TJAP1: variants seen among roughly 807,000 people sequenced by gnomAD.
TJAP1 encodes the protein tight junction associated protein 1.
Under a neutral mutation model 42.0 loss-of-function variants are expected in TJAP1, and 27 were observed. That is an observed-to-expected ratio of 0.64 (90% CI 0.47 to 0.89). TJAP1 has a LOEUF of 0.89. Among genes scored for constraint, TJAP1 ranks in the 40% least tolerant of loss-of-function variants. TJAP1 has a pLI of 0.00. For synonymous variants in TJAP1, 257 were observed against 288.4 expected, an observed-to-expected ratio of 0.89 and a Z score of 1.10; for missense variants, 712 against 726.9, an observed-to-expected ratio of 0.98 and a Z score of 0.24.
At chr6:43,480,803 A>G (rs980119303) in intron 2 of TJAP1, among the ~76,000 whole-genome samples, 1 of 152,228 alleles carries the variant, frequency 6.6e-6, no homozygotes, top group African/African-American at 2.4e-5. Flanking sequence ...GGTGTGAGCC[A>G]CCGTGCCTGG....
chr6:43,503,068 C>A, intron 8 of TJAP1: 2 of 456,938 alleles, frequency 4.4e-6, no homozygotes, highest in Non-Finnish European at 8.0e-6. Context: ...AGGCTTCAGC[C>A]CCCTGGTTTG....
chr6:43,502,104 T>TCC (rs1791034711), intron 6 of TJAP1, among the ~76,000 whole-genome samples, 179 bp from the exon 7 acceptor site: 1 of 150,342 alleles, frequency 6.7e-6, no homozygotes, highest in Non-Finnish European at 1.5e-5. Context: ...TCTCTCTCTC[T>TCC]CTCTCTCCTT....
At position 43,479,837 on chromosome 6, in the gene TJAP1, G is replaced by A. The variant is rs1180686601; in HGVS notation, c.-122+1605G>A. Among the ~76,000 whole-genome samples the A allele has an allele frequency of 7.2e-5, 11 of 152,290 alleles. No individual in the cohort carries two copies. In the East Asian group the frequency reaches 2.1e-3, roughly 29 times the overall value. On this transcript the variant is annotated intron_variant, in intron 2 of 10. Transcript: ENST00000372449. ...ATACAAAAATCGGCTGGGCGTGGTGGCATGCGCCTGTAGTCCCAGCTACTC... is the reference window on the plus strand; with the variant it reads ...ATACAAAAATCGGCTGGGCGTGGTGACATGCGCCTGTAGTCCCAGCTACTC...
Position 43,495,616 on chromosome 6 carries a change from G to T in TJAP1, c.-121-2265G>T, listed in dbSNP as rs530644641. On this transcript the variant is annotated intron_variant, in intron 2 of 10. Coordinates refer to ENST00000372449, the Ensembl canonical transcript of TJAP1. The surrounding 1 kb of genome is among the most constrained non-coding windows in gnomAD (Gnocchi z 4.6). ...TCCCATACCTGTAACTCTGACATGC[G>T]TGGAAAGAATAGGCTCTGGCAGAGA... Among the ~76,000 whole-genome samples the T allele has an allele frequency of 6.4e-4, 97 of 152,286 alleles. No homozygotes were observed. Among genetic ancestry groups the T allele is most frequent in the African/African-American group, 2.2e-3 (93 of 41,534 alleles).
Position 43,498,075 on chromosome 6 carries a change from GA to G in TJAP1, c.-25+102del, listed in dbSNP as rs1247372656. On this transcript the variant is annotated intron_variant, in intron 3 of 10. Transcript: ENST00000372449. ...GTGTTCTCTCTCGGCGGGGGCTGGTGAAAAGAGTGGTGGAGGCCACAGGGGT... is the reference window on the plus strand; with the variant it reads ...GTGTTCTCTCTCGGCGGGGGCTGGTGAAAGAGTGGTGGAGGCCACAGGGGT... 2.0e-5 allele frequency: 3 copies of G among 152,440 alleles called. No individual in the cohort carries two copies. The South Asian group carries it at 6.2e-4, about 32-fold the overall frequency. 9.4% of individuals were successfully genotyped at this position (152,440 alleles called of 1,614,324 possible). A position where few individuals can be genotyped will look rare whatever the true frequency, so the allele number is the denominator to read the frequency against.
chr6:43,498,677 G>T (rs1330893063), intron 3 of TJAP1, among the ~76,000 whole-genome samples: 1 of 152,244 alleles, frequency 6.6e-6, no homozygotes, highest in Non-Finnish European at 1.5e-5. Flanking sequence ...GGTAAGGAGG[G>T]TGGTGGGCTG....
chr6:43,494,155 A>G (rs1241569952), intron 2 of TJAP1, among the ~76,000 whole-genome samples: 1 of 152,234 alleles, frequency 6.6e-6, no homozygotes, highest in Non-Finnish European at 1.5e-5. Flanking sequence ...GCAGGCGGCA[A>G]CAGGCGGCCT....
chr6:43,499,281 G>C (rs1010916008), intron 4 of TJAP1, 181 bp downstream of exon 4: 5 of 851,426 alleles, frequency 5.9e-6, no homozygotes, highest in Non-Finnish European at 8.9e-6. Context: ...GGCTCAAGGG[G>C]GACTGTCTGT....
chr6:43,503,826 C>T (rs1328847169), intron 10 of TJAP1, 120 bp downstream of exon 10: 3 of 857,726 alleles, frequency 3.5e-6, no homozygotes, highest in South Asian at 2.8e-5. Context: ...CTCCTCTTGC[C>T]TCCATGTCAC....
chr6:43,496,400 C>T (rs945124922), intron 2 of TJAP1, among the ~76,000 whole-genome samples: 1 of 152,210 alleles, frequency 6.6e-6, no homozygotes, highest in Non-Finnish European at 1.5e-5. Context: ...TCCCCACACC[C>T]CGGGAATGTG....
At chr6:43,501,767 G>GTCTC (rs796459424) in intron 6 of TJAP1, 80 bp downstream of exon 6, 2 of 477,298 alleles carry the variant, frequency 4.2e-6, no homozygotes, top group South Asian at 2.2e-5. Flanking sequence ...CACTCTCTCT[G>GTCTC]TCTCTCTCTC....
At chr6:43,501,418 T>C in intron 5 of TJAP1, 108 bp from the exon 6 acceptor site, 2 of 970,112 alleles carry the variant, frequency 2.1e-6, no homozygotes, top group Admixed American at 2.3e-5. Context: ...CTGTCCTGTT[T>C]GCCTGTCCTC....
At chr6:43,501,758 A>ACACACTCTCTCT in intron 6 of TJAP1, 71 bp downstream of exon 6, 1 of 491,662 alleles carries the variant, frequency 2.0e-6, no homozygotes, top group East Asian at 3.9e-5. Context: ...ACACACACAC[A>ACACACTCTCTCT]CTCTCTCTGT....
intron 2 of TJAP1, among the ~76,000 whole-genome samples, chr6:43,483,849 A>C (rs1439002356): frequency 6.6e-6 from 1 of 152,030 alleles, no homozygotes; most frequent in Non-Finnish European, 1.5e-5. Flanking sequence ...ACTTGAGGCC[A>C]AGAGTTTGAA....
In TJAP1 at chr6:43,492,734, A is replaced by G. The variant is rs1194860534; in HGVS notation, c.-121-5147A>G. Among the ~76,000 whole-genome samples the G allele has an allele frequency of 6.6e-6, 1 of 152,196 alleles. No individual in the cohort carries two copies. The highest frequency in any genetic ancestry group is 2.1e-4 in the South Asian group (1 of 4,832). ...ATGAGCAATCCCCAGGACCAAGGCC[A>G]GGTCACCTGGTTCCAGGGCTTACGC... On this transcript the variant is annotated intron_variant, in intron 2 of 10. Transcript: ENST00000372449. This position sits in a 1 kb window ranked among gnomAD's most constrained non-coding sequence, Gnocchi z 4.2.
intron 2 of TJAP1, among the ~76,000 whole-genome samples, chr6:43,490,273 C>A (rs941159539): frequency 6.6e-6 from 1 of 152,268 alleles, no homozygotes; most frequent in Non-Finnish European, 1.5e-5. Flanking sequence ...TGACCACCCC[C>A]CACCGTCACC....
Position 43,502,580 on chromosome 6 carries a change from C to T in TJAP1, c.358-8C>T. 1 of 1,551,724 alleles carries T rather than the reference C, an allele frequency of 6.4e-7. No homozygotes were observed. Among genetic ancestry groups the T allele is most frequent in the East Asian group, 2.4e-5 (1 of 40,920 alleles). ...GCTGCCACCGTTGCTGCTGCACTCT[C>T]CTCTCAGGCCTCTCTTAGCCACAGC... On this transcript the variant is annotated splice_polypyrimidine_tract_variant and splice_region_variant and intron_variant, in intron 7 of 10. Transcript: ENST00000372449.
chr6:43,480,181 T>G (rs569562377), intron 2 of TJAP1, among the ~76,000 whole-genome samples: 1 of 152,334 alleles, frequency 6.6e-6, no homozygotes, highest in African/African-American at 2.4e-5. Flanking sequence ...TAAGTTTTAG[T>G]TATACTAGTC....
intron 9 of TJAP1, 21 bp downstream of exon 9, chr6:43,503,529 G>C: frequency 6.2e-7 from 1 of 1,611,904 alleles, no homozygotes. Context: ...TTCACTACTC[G>C]GGCCTTCCTC....
Sources: gnomAD v4.1 joint callset for allele counts (sites outside exome capture counted in the v4.1 genomes callset) on GRCh38, gnomAD v4.1.1 for gene constraint, Gnocchi (gnomAD v3.1) non-coding constraint, MANE v1.5 for transcripts, NCBI Gene and HGNC (gene_info 2026-07-23, HGNC 2026-07-21) for gene names.